Variants in ACYP1 observed in about 807,000 individuals in gnomAD.
The protein encoded by ACYP1 is acylphosphatase-1.
ACYP1 carries 8 observed loss-of-function variants against 10.4 expected under a neutral mutation model. The ratio of observed to expected loss-of-function variants is 0.77; its 90% CI spans 0.45 to 1.38. The LOEUF (loss-of-function observed/expected upper bound fraction) is 1.38. Among genes scored for constraint, ACYP1 ranks in the 40% most tolerant of loss-of-function variants. The probability of loss-of-function intolerance (pLI) is 0.00; values close to 1 mark genes in which losing one functional copy is unlikely to be tolerated. For synonymous variants in ACYP1, 38 were observed against 40.8 expected (o/e 0.93, Z 0.26); for missense variants, 93 against 117.3 (o/e 0.79, Z 0.96).
At chr14:75,069,289 C>A in exon 1 of ACYP1, 1 of 1,436,542 alleles carries the variant, frequency 7.0e-7, no homozygotes, top group Non-Finnish European at 9.0e-7. Context: ...CGGACGCCGG[C>A]ATCCTGCGGC....
At chr14:75,060,225 C>T in intron 2 of ACYP1, 2 of 684,994 alleles carry the variant, frequency 2.9e-6, no homozygotes, top group South Asian at 1.6e-5. Context: ...AGTTGGAGAA[C>T]ATTCCTTGAT....
intron 1 of ACYP1, 36 bp from the exon 2 acceptor site, chr14:75,063,597 T>TG: frequency 6.4e-7 from 1 of 1,570,432 alleles, no homozygotes; most frequent in South Asian, 1.1e-5. Context: ...AGTGAAGGGC[T>TG]ATTATTCCAG....
chr14:75,063,561 C>T lies in ACYP1; in HGVS notation c.-8G>A, dbSNP rs758228904. On this transcript the variant is annotated splice_region_variant and 5_prime_UTR_variant, in exon 2 of 3. Transcript: ENST00000238618. ...GGTGTTTCCTTCTGCCATGCTCAAA[C>T]CTGTCAGAAACCAGGAAAGCAGAAG... The T allele has an allele frequency of 4.0e-5, 64 of 1,612,810 alleles. No individual in the cohort carries two copies. The highest frequency in any genetic ancestry group is 1.6e-4 in the East Asian group (7 of 44,894).
intron 2 of ACYP1, chr14:75,063,163 G>A (rs886451721): frequency 8.5e-6 from 3 of 351,228 alleles, no homozygotes; most frequent in Non-Finnish European, 1.6e-5. Flanking sequence ...AACCTGACTT[G>A]GTTTGATGAT....
At chr14:75,067,149 G>T (rs1241679656), upstream of ACYP1, among the ~76,000 whole-genome samples, 1 of 150,258 alleles carries the variant, frequency 6.7e-6, no homozygotes, top group African/African-American at 2.5e-5. Context: ...TCAGCATTTG[G>T]TTGAAATCAT....
At chr14:75,062,643 G>C (rs1893053066) in intron 2 of ACYP1, among the ~76,000 whole-genome samples, 1 of 113,334 alleles carries the variant, frequency 8.8e-6, no homozygotes, top group South Asian at 2.9e-4. Context: ...GTGAAACCCT[G>C]TCTCTACTAA....
At chr14:75,059,117 G>C (rs555513651) in intron 2 of ACYP1, among the ~76,000 whole-genome samples, 1 of 150,412 alleles carries the variant, frequency 6.6e-6, no homozygotes, top group Non-Finnish European at 1.5e-5. Context: ...CCCTGGAGGC[G>C]GAAGGTTGCA....
At chr14:75,056,033 C>A (rs1892868903) in intron 2 of ACYP1, among the ~76,000 whole-genome samples, 1 of 151,200 alleles carries the variant, frequency 6.6e-6, no homozygotes, top group South Asian at 2.1e-4. Context: ...TGAAAACAAA[C>A]CTAATACCTA....
chr14:75,062,402 GA>G (rs908416110), intron 2 of ACYP1, among the ~76,000 whole-genome samples: 5 of 142,836 alleles, frequency 3.5e-5, no homozygotes, highest in African/African-American at 5.1e-5. Flanking sequence ...CCATCCTTCA[GA>G]AAAAAAAAAG....
intron 2 of ACYP1, among the ~76,000 whole-genome samples, chr14:75,055,079 C>CTTTTTTT (rs33920224): frequency 1.3e-5 from 1 of 75,084 alleles, no homozygotes. Context: ...TATCTGAACT[C>CTTTTTTT]TTTTTTTTTT....
chr14:75,058,996 G>A (rs901050186), intron 2 of ACYP1, among the ~76,000 whole-genome samples: 9 of 148,612 alleles, frequency 6.1e-5, no homozygotes, highest in Non-Finnish European at 8.9e-5. Context: ...TCAGGAGTTC[G>A]AGACCAGTCT....
At chr14:75,056,488 C>T (rs1223423233) in intron 2 of ACYP1, among the ~76,000 whole-genome samples, 2 of 150,812 alleles carry the variant, frequency 1.3e-5, no homozygotes, top group African/African-American at 4.9e-5. Flanking sequence ...GATGGTGGCA[C>T]AGTCACAGCT....
At chr14:75,069,285 C>A in exon 1 of ACYP1, 1 of 1,441,044 alleles carries the variant, frequency 6.9e-7, no homozygotes, top group Non-Finnish European at 9.0e-7. Context: ...CGGGCGGACG[C>A]CGGCATCCTG....
intron 2 of ACYP1, among the ~76,000 whole-genome samples, chr14:75,062,033 G>A (rs762541410): frequency 2.0e-5 from 3 of 148,584 alleles, no homozygotes; most frequent in Admixed American, 1.4e-4. Flanking sequence ...CCCGGGAGGC[G>A]GACGTTGCGG....
Position 75,061,695 on chromosome 14 carries a change from G to A in ACYP1, c.84+1775C>T, listed in dbSNP as rs201700296. On this transcript the variant is annotated intron_variant, in intron 2 of 2. Coordinates refer to ENST00000238618, the MANE Select transcript of ACYP1 (RefSeq NM_001107.5). ...TTACAGGAACTTACCTGCATAACTG[G>A]TAGCAAAGCTAACTGGAACACAGCT... 21 of 1,589,046 alleles carry A rather than the reference G, an allele frequency of 1.3e-5. No individual in the cohort carries two copies. In the African/African-American group the frequency reaches 2.4e-4, roughly 18 times the overall value.
chr14:75,060,209 C>T, intron 2 of ACYP1: 3 of 671,840 alleles, frequency 4.5e-6, no homozygotes, highest in Admixed American at 2.2e-5. Context: ...GGTTTAGTTC[C>T]ACTGTAGTTG....
At chr14:75,057,720 G>A (rs1892909006) in intron 2 of ACYP1, among the ~76,000 whole-genome samples, 1 of 151,084 alleles carries the variant, frequency 6.6e-6, no homozygotes, top group African/African-American at 2.5e-5. Context: ...TGTAATCCCA[G>A]CACTTTGGGA....
At chr14:75,064,085 A>C (rs1594797301), upstream of ACYP1, 1 of 966,856 alleles carries the variant, frequency 1.0e-6, no homozygotes, top group African/African-American at 1.8e-5. Context: ...CATGCCCATC[A>C]CCTCCAGCTG....
intron 2 of ACYP1, among the ~76,000 whole-genome samples, chr14:75,056,703 T>C (rs1892886689): frequency 6.6e-6 from 1 of 151,608 alleles, no homozygotes; most frequent in Non-Finnish European, 1.5e-5. Context: ...AGGATTTCTT[T>C]CAAGGTTGGT....
Sources: gnomAD v4.1 joint callset for allele counts (sites outside exome capture counted in the v4.1 genomes callset) on GRCh38, gnomAD v4.1.1 for gene constraint, MANE v1.5 for transcripts, NCBI Gene and HGNC (gene_info 2026-07-23, HGNC 2026-07-21) for gene names.